Variants in ZFP90 observed in about 807,000 individuals in gnomAD.
The protein encoded by ZFP90 is zinc finger protein 90 homolog.
A neutral mutation model predicts 60.8 loss-of-function variants in ZFP90; 38 were observed. That is an observed-to-expected ratio of 0.62 (90% CI 0.48 to 0.82). The LOEUF (loss-of-function observed/expected upper bound fraction) is 0.82, where lower values mean the gene tolerates loss of function less well. ZFP90 is among the 40% of genes least tolerant of loss of function. The probability of loss-of-function intolerance (pLI) is 0.00; values close to 1 mark genes in which losing one functional copy is unlikely to be tolerated. For synonymous variants in ZFP90, 287 were observed against 264.8 expected (o/e 1.08, Z -0.82); for missense variants, 711 against 759.1 (o/e 0.94, Z 0.74).
At chr16:68,538,308 G>A (rs914975973), upstream of ZFP90, among the ~76,000 whole-genome samples, 1 of 152,168 alleles carries the variant, frequency 6.6e-6, no homozygotes, top group Non-Finnish European at 1.5e-5. Flanking sequence ...GGTATGCAAT[G>A]CTCTAATGTT....
chr16:68,571,079 A>G (rs2091565426), downstream of ZFP90, among the ~76,000 whole-genome samples: 3 of 152,210 alleles, frequency 2.0e-5, no homozygotes, highest in Admixed American at 6.5e-5. Context: ...ACCACACCCC[A>G]TCAGAACCAG....
chr16:68,550,224 C>A, intron 2 of ZFP90, among the ~76,000 whole-genome samples: 1 of 151,994 alleles, frequency 6.6e-6, no homozygotes, highest in East Asian at 1.9e-4. Flanking sequence ...ACATTCTTTC[C>A]TTGATAGTAA....
chr16:68,575,080 A>T (rs150586093), intron 2 of ZFP90, among the ~76,000 whole-genome samples: 170 of 152,352 alleles, frequency 1.1e-3, no homozygotes, highest in African/African-American at 3.8e-3. Flanking sequence ...TGTGGTTTAG[A>T]CAACTTAGGA....
chr16:68,550,542 C>T lies in ZFP90; in HGVS notation c.34-7456C>T, dbSNP rs183021403. On this transcript the variant is annotated intron_variant, in intron 2 of 4. Coordinates refer to ENST00000563169, the MANE Select transcript of ZFP90 (RefSeq NM_001305203.2). ...CTGGGATTATAGGTGTGAGCCACTG[C>T]GCCTGGCCCAGTGTGTATTTTGCTT... Among the ~76,000 whole-genome samples the T allele has an allele frequency of 2.3e-4, 35 of 152,212 alleles. 1 individual carries two copies. Among genetic ancestry groups the T allele is most frequent in the East Asian group, 1.9e-4 (1 of 5,204 alleles).
chr16:68,546,735 C>T (rs1567397758), intron 2 of ZFP90, among the ~76,000 whole-genome samples: 1 of 152,196 alleles, frequency 6.6e-6, no homozygotes, highest in Non-Finnish European at 1.5e-5. Flanking sequence ...TGGTCTCGAA[C>T]TCCAGACCTC....
chr16:68,552,413 G>C (rs1317844345), intron 2 of ZFP90, among the ~76,000 whole-genome samples: 1 of 152,166 alleles, frequency 6.6e-6, no homozygotes, highest in Non-Finnish European at 1.5e-5. Flanking sequence ...AGCTGTGCTA[G>C]AGAGAGGCCC....
At position 68,565,146 on chromosome 16, in the gene ZFP90, G is replaced by T; in HGVS notation, c.*448G>T. The T allele has an allele frequency of 1.0e-6, 1 of 992,184 alleles. No homozygotes were observed. Among genetic ancestry groups the T allele is most frequent in the Non-Finnish European group, 1.2e-6 (1 of 834,290 alleles). 61.5% of individuals were successfully genotyped at this position (992,184 alleles called of 1,614,324 possible). ...TGGAAACCAGTTCCAACTCCAGGAAGTCACCATTCAAAGAATTAGATCAAC... is the reference window on the plus strand; with the variant it reads ...TGGAAACCAGTTCCAACTCCAGGAATTCACCATTCAAAGAATTAGATCAAC... On this transcript the variant is annotated 3_prime_UTR_variant, in exon 5 of 5. Transcript: ENST00000563169.
Position 68,563,105 on chromosome 16 carries a change from C to T in ZFP90, c.318C>T (p.Ser106=), listed in dbSNP as rs1344881462. 3 of 1,614,016 alleles carry T rather than the reference C, an allele frequency of 1.9e-6. No homozygotes were observed. Among genetic ancestry groups the T allele is most frequent in the East Asian group, 2.2e-5 (1 of 44,870 alleles). Residue 106 remains serine (S), a synonymous_variant, in exon 5 of 5, where the codon TCC becomes TCT. Transcript: ENST00000563169. ...TGCAGCAGGATGTATCAGAAGTATC[C>T]CACTGCACACATGATCTCTTACATG... ...SHLQQDVSEV[S]HCTHDLLHAT...
rs759237139 is a variant in ZFP90, at chr16:68,564,262, C to T, written c.1475C>T (p.Pro492Leu). 1.8e-5 allele frequency: 29 copies of T among 1,613,936 alleles called. No homozygotes were observed. In the Admixed American group the frequency reaches 2.3e-4, roughly 13 times the overall value. Residue 492 changes from proline to leucine, a missense_variant, in exon 5 of 5, where the codon CCT becomes CTT. Coordinates refer to ENST00000563169, the MANE Select transcript of ZFP90 (RefSeq NM_001305203.2). ...QAFSQQAISH[P>L]GEKPYQCNVC... ...TTTAGTCAGCAAGCTATTTCTCATC[C>T]TGGAGAGAAACCCTATCAATGTAAT...
intron 2 of ZFP90, among the ~76,000 whole-genome samples, chr16:68,574,638 C>T (rs16958169): frequency 0.037 from 5,626 of 152,128 alleles, 322 homozygotes; most frequent in African/African-American, 0.13. Context: ...GAAAGACACG[C>T]GTGGACCGGG....
In ZFP90 at chr16:68,566,317, A is replaced by G. The variant is rs2091525929; in HGVS notation, c.*1619A>G. The G allele has an allele frequency of 2.0e-6, 2 of 985,360 alleles. No individual in the cohort carries two copies. Among genetic ancestry groups the G allele is most frequent in the Non-Finnish European group, 2.4e-6 (2 of 829,928 alleles). The allele number at this position is 985,360 out of a possible 1,614,324, so 61.0% of individuals were successfully genotyped here. A position where few individuals can be genotyped will look rare whatever the true frequency, so the allele number is the denominator to read the frequency against. On this transcript the variant is annotated 3_prime_UTR_variant, in exon 5 of 5. Coordinates refer to ENST00000563169, the MANE Select transcript of ZFP90 (RefSeq NM_001305203.2). The stretch of plus-strand genomic sequence containing the variant: ...ACAACTGGACATTGATTCCTTTTAC[A>G]CAAGAGCTGCCTCCCAAAGATAGAT...
At chr16:68,543,892 T>C (rs2091097910) in intron 2 of ZFP90, among the ~76,000 whole-genome samples, 1 of 149,842 alleles carries the variant, frequency 6.7e-6, no homozygotes, top group South Asian at 2.1e-4. Flanking sequence ...AGGTAGAGTC[T>C]TGCTCTATCA....
intron 2 of ZFP90, chr16:68,574,225 T>TG (rs1491382909): frequency 1.6e-5 from 1 of 61,198 alleles, no homozygotes; most frequent in African/African-American, 7.7e-5. Context: ...CTCCTTTTTC[T>TG]GAAAAAAAAA....
downstream of ZFP90, among the ~76,000 whole-genome samples, chr16:68,571,466 AAGTTG>A (rs2091567559): frequency 6.6e-6 from 1 of 152,192 alleles, no homozygotes; most frequent in Non-Finnish European, 1.5e-5. Flanking sequence ...TTTACAGTTA[AAGTTG>A]GCCTCCTTTT....
At chr16:68,575,772 C>T in intron 2 of ZFP90, 1 of 398,262 alleles carries the variant, frequency 2.5e-6, no homozygotes, top group Non-Finnish European at 4.4e-6. Context: ...TCAGTGGGGA[C>T]CTGTTCCTGT....
At chr16:68,548,621 G>C (rs1854337936) in intron 2 of ZFP90, among the ~76,000 whole-genome samples, 1 of 151,734 alleles carries the variant, frequency 6.6e-6, no homozygotes, top group Admixed American at 6.6e-5. Flanking sequence ...CTCCTGAGTA[G>C]CTGGGATTAC....
At chr16:68,571,012 TA>T (rs2091564976), downstream of ZFP90, among the ~76,000 whole-genome samples, 1 of 152,164 alleles carries the variant, frequency 6.6e-6, no homozygotes, top group Non-Finnish European at 1.5e-5. Context: ...GGTGATTTTT[TA>T]GGGGGAACTT....
downstream of ZFP90, among the ~76,000 whole-genome samples, chr16:68,568,192 C>T (rs555211498): frequency 6.6e-6 from 1 of 152,250 alleles, no homozygotes; most frequent in African/African-American, 2.4e-5. Flanking sequence ...GTTTTGATAG[C>T]TCTTTTTATT....
chr16:68,560,441 A>G (rs2091419526), intron 4 of ZFP90, among the ~76,000 whole-genome samples: 1 of 152,208 alleles, frequency 6.6e-6, no homozygotes, highest in Non-Finnish European at 1.5e-5. Flanking sequence ...ATGTTCTAGC[A>G]TGTATCAGTA....
Sources: gnomAD v4.1 joint callset for allele counts (sites outside exome capture counted in the v4.1 genomes callset) on GRCh38, gnomAD v4.1.1 for gene constraint, MANE v1.5 for transcripts, NCBI Gene and HGNC (gene_info 2026-07-23, HGNC 2026-07-21) for gene names.